SPOCK1: variants seen among roughly 807,000 people sequenced by gnomAD.
SPOCK1 encodes testican-1.
In SPOCK1, 23 loss-of-function variants were observed where a neutral mutation model predicts 55.3. The ratio of observed to expected loss-of-function variants is 0.42; its 90% CI spans 0.30 to 0.59. The LOEUF (loss-of-function observed/expected upper bound fraction) is 0.59. Among genes scored for constraint, SPOCK1 ranks in the 20% least tolerant of loss-of-function variants. The pLI is 0.22. For missense variants in SPOCK1, 499 were observed against 552.5 expected, an observed-to-expected ratio of 0.90 and a Z score of 0.97; for synonymous variants, 226 against 221.0, an observed-to-expected ratio of 1.02 and a Z score of -0.20.
At chr5:137,075,693 G>C (rs1368164429) in intron 5 of SPOCK1, among the ~76,000 whole-genome samples, 1 of 152,190 alleles carries the variant, frequency 6.6e-6, no homozygotes, top group South Asian at 2.1e-4. Context: ...GACGAAACCA[G>C]TGGAGAGTCT....
chr5:137,058,914 G>A (rs539260060), intron 6 of SPOCK1, among the ~76,000 whole-genome samples: 10 of 152,252 alleles, frequency 6.6e-5, no homozygotes, highest in African/African-American at 1.2e-4. Context: ...GCAAAAGATG[G>A]GGACAGACAC....
At chr5:137,315,619 T>C (rs1273656961) in intron 2 of SPOCK1, among the ~76,000 whole-genome samples, 2 of 152,196 alleles carry the variant, frequency 1.3e-5, no homozygotes, top group Non-Finnish European at 2.9e-5. Context: ...CTCAAGGCTC[T>C]CACAAACACC....
chr5:137,302,603 TA>T (rs1329564155), intron 2 of SPOCK1, among the ~76,000 whole-genome samples: 1 of 150,384 alleles, frequency 6.6e-6, no homozygotes, highest in African/African-American at 2.4e-5. Context: ...AATAAATAAA[TA>T]AATAAATAAA....
intron 2 of SPOCK1, among the ~76,000 whole-genome samples, chr5:137,318,559 G>A (rs1212394665): frequency 1.3e-5 from 2 of 152,146 alleles, no homozygotes; most frequent in African/African-American, 4.8e-5. Context: ...CTGTAACTAG[G>A]GTTCTGGTGG....
intron 4 of SPOCK1, among the ~76,000 whole-genome samples, chr5:137,130,601 G>C (rs1224659970): frequency 6.6e-6 from 1 of 152,218 alleles, no homozygotes; most frequent in East Asian, 1.9e-4. Context: ...TCTAGCTCCA[G>C]GCCACAGGGC....
chr5:137,188,942 C>T (rs189682927), intron 3 of SPOCK1, among the ~76,000 whole-genome samples: 36 of 152,328 alleles, frequency 2.4e-4, no homozygotes, highest in Non-Finnish European at 3.8e-4. Flanking sequence ...AGTTTCAGTG[C>T]TCTAGATAGA....
At chr5:137,342,568 C>T (rs1347157830) in intron 2 of SPOCK1, among the ~76,000 whole-genome samples, 1 of 152,182 alleles carries the variant, frequency 6.6e-6, no homozygotes, top group East Asian at 1.9e-4. Flanking sequence ...AGAAGAATGT[C>T]AGGCAGAAGT....
chr5:137,437,038 C>T (rs567335251), intron 2 of SPOCK1, among the ~76,000 whole-genome samples: 4 of 152,156 alleles, frequency 2.6e-5, no homozygotes, highest in Admixed American at 1.3e-4. Flanking sequence ...ACTGGGTGGG[C>T]TACACTGTGT....
At chr5:137,091,482 G>C (rs1325707489) in intron 5 of SPOCK1, among the ~76,000 whole-genome samples, 2 of 152,202 alleles carry the variant, frequency 1.3e-5, no homozygotes, top group African/African-American at 4.8e-5. Context: ...TGTCTACTGA[G>C]AGTGGTGCCC....
At position 137,195,236 on chromosome 5, in the gene SPOCK1, C is replaced by T. The variant is rs75292882; in HGVS notation, c.233-54542G>A. Among the ~76,000 whole-genome samples, 250 of 152,308 alleles carry T rather than the reference C, an allele frequency of 1.6e-3. 1 individual carries two copies. The highest frequency in any genetic ancestry group is 2.0e-3 in the Non-Finnish European group (138 of 68,036). ...CATATGTAGACAGGTTTCCAACTCC[C>T]TCTACTCGCTTCCACTTTGTTTCTC... On this transcript the variant is annotated intron_variant, in intron 3 of 10. Coordinates refer to ENST00000394945, the MANE Select transcript of SPOCK1 (RefSeq NM_004598.4).
At chr5:137,422,687 T>C (rs1754603984) in intron 2 of SPOCK1, among the ~76,000 whole-genome samples, 1 of 152,226 alleles carries the variant, frequency 6.6e-6, no homozygotes, top group South Asian at 2.1e-4. Context: ...GCCATTCGAC[T>C]AATTTTTTTC....
intron 3 of SPOCK1, among the ~76,000 whole-genome samples, chr5:137,257,944 A>G (rs1037709076): frequency 6.6e-6 from 1 of 152,176 alleles, no homozygotes; most frequent in Admixed American, 6.5e-5. Context: ...CACAGTCCTC[A>G]CCAAGTCTGT....
intron 6 of SPOCK1, among the ~76,000 whole-genome samples, chr5:137,020,706 A>AC (rs1311852818): frequency 6.6e-6 from 1 of 152,040 alleles, no homozygotes; most frequent in Non-Finnish European, 1.5e-5. Context: ...GAATAATTCT[A>AC]TAAATAAATT....
At position 136,978,510 on chromosome 5, in the gene SPOCK1, G is replaced by A; in HGVS notation, c.*144C>T. The A allele has an allele frequency of 1.4e-6, 1 of 698,726 alleles. No homozygotes were observed. Among genetic ancestry groups the A allele is most frequent in the Non-Finnish European group, 2.2e-6 (1 of 452,768 alleles). 43.3% of individuals were successfully genotyped at this position (698,726 alleles called of 1,614,324 possible). ...CAAAATCAGAATCCTCTGGGAACAA[G>A]CAGTTGTCTTCCAAACCTTAGGTCG... On this transcript the variant is annotated 3_prime_UTR_variant, in exon 11 of 11. Coordinates refer to ENST00000394945, the MANE Select transcript of SPOCK1 (RefSeq NM_004598.4).
At chr5:137,124,229 G>A (rs1753737676) in intron 4 of SPOCK1, among the ~76,000 whole-genome samples, 1 of 152,226 alleles carries the variant, frequency 6.6e-6, no homozygotes, top group African/African-American at 2.4e-5. Flanking sequence ...TAGTTTGCAG[G>A]TGTATCCTGG....
chr5:137,393,851 T>C (rs1751782705), intron 2 of SPOCK1, among the ~76,000 whole-genome samples: 1 of 152,226 alleles, frequency 6.6e-6, no homozygotes, highest in Non-Finnish European at 1.5e-5. Flanking sequence ...TGAATGTCCA[T>C]GAAAGTGCAT....
chr5:137,233,679 T>A (rs1177109549), intron 3 of SPOCK1, among the ~76,000 whole-genome samples: 1 of 151,098 alleles, frequency 6.6e-6, no homozygotes, highest in Admixed American at 6.6e-5. Flanking sequence ...TAACTTCAAT[T>A]TTCACATATT....
chr5:137,180,094 T>C (rs1754940603), intron 3 of SPOCK1, among the ~76,000 whole-genome samples: 1 of 152,168 alleles, frequency 6.6e-6, no homozygotes, highest in Admixed American at 6.5e-5. Flanking sequence ...AGTAGCTGAA[T>C]GGGAATCTAC....
intron 4 of SPOCK1, among the ~76,000 whole-genome samples, chr5:137,136,683 CAAACTAAATTAAAAATTATTTTA>C (rs1418915795): frequency 2.6e-5 from 4 of 152,056 alleles, no homozygotes; most frequent in Admixed American, 2.0e-4. Flanking sequence ...ATCATTACAC[CAAACTAAATTAAAAATTATTTTA>C]AAGTAGCTTA....
Sources: gnomAD v4.1 joint callset for allele counts (sites outside exome capture counted in the v4.1 genomes callset) on GRCh38, gnomAD v4.1.1 for gene constraint, MANE v1.5 for transcripts, NCBI Gene and HGNC (gene_info 2026-07-23, HGNC 2026-07-21) for gene names.